DNAH7: variants seen among roughly 807,000 people sequenced by gnomAD.
DNAH7 encodes axonemal beta dynein heavy chain 7.
In DNAH7, 397 loss-of-function variants were observed where a neutral mutation model predicts 444.6. The ratio of observed to expected loss-of-function variants is 0.89; its 90% CI spans 0.82 to 0.97. DNAH7 has a LOEUF of 0.97. Among genes scored for constraint, DNAH7 ranks in the 50% least tolerant of loss-of-function variants. The pLI is 0.00. For synonymous variants in DNAH7, 1,636 were observed against 1,624.4 expected (o/e 1.01, Z -0.17); for missense variants, 4,902 against 4,800.8 (o/e 1.02, Z -0.62).
chr2:195,992,341 TGAA>T (rs889156585), intron 12 of DNAH7, among the ~76,000 whole-genome samples: 15 of 152,206 alleles, frequency 9.9e-5, no homozygotes, highest in African/African-American at 3.6e-4. Flanking sequence ...AGGTGGAAGC[TGAA>T]GAAGAAAAAG....
intron 61 of DNAH7, among the ~76,000 whole-genome samples, chr2:195,762,728 A>C (rs2105924014): frequency 6.6e-6 from 1 of 152,336 alleles, no homozygotes; most frequent in Non-Finnish European, 1.5e-5. Flanking sequence ...CAAGATATAT[A>C]AAGCAACTAT....
chr2:196,048,354 A>T lies in DNAH7; in HGVS notation c.192T>A (p.Ser64Arg), dbSNP rs765136772. The change falls in exon 4 of 65, where the codon AGT becomes AGA. Residue 64 changes from serine to arginine, a missense_variant. Ser to Arg is a moderately radical substitution (Grantham distance 110, BLOSUM62 -1). Transcript: ENST00000312428. ...CTGGACTCTCATCATCCTGCTTTAC[A>T]CTCAAATGGAATGATGGAGCTGCCT... is the stretch of plus-strand genomic sequence containing the variant. Reference protein sequence around the residue: ...WQQAAPSFHLSVKQDDESPEP... With the variant: ...WQQAAPSFHLRVKQDDESPEP... 1.9e-6 allele frequency: 3 copies of T among 1,613,980 alleles called. No homozygotes were observed. In the Admixed American group the frequency reaches 5.0e-5, roughly 27 times the overall value.
chr2:195,901,232 T>C (rs760372936), intron 27 of DNAH7: 2 of 152,122 alleles, frequency 1.3e-5, no homozygotes, highest in African/African-American at 4.8e-5. Flanking sequence ...TGTTACACGA[T>C]GTATATGTAT....
intron 46 of DNAH7, among the ~76,000 whole-genome samples, chr2:195,846,948 T>C (rs892405847): frequency 1.4e-4 from 20 of 143,056 alleles, no homozygotes; most frequent in Middle Eastern, 3.5e-3. Flanking sequence ...AACTCCCATA[T>C]ATGTGTGTGT....
In DNAH7 at chr2:195,864,536, A is replaced by G. The variant is rs754047699; in HGVS notation, c.7119T>C (p.Thr2373=). The G allele has an allele frequency of 1.2e-6, 2 of 1,614,178 alleles. No homozygotes were observed. Among genetic ancestry groups the G allele is most frequent in the Non-Finnish European group, 1.7e-6 (2 of 1,180,026 alleles). ...CTTTTAAATCTTCATGCCATTCAGTAGTATCATACCCCTTAGAGATTTCAA... is the reference window on the plus strand; with the variant it reads ...CTTTTAAATCTTCATGCCATTCAGTGGTATCATACCCCTTAGAGATTTCAA... The part of the protein sequence containing the change: ...FQVEISKGYD[T]TEWHEDLKVI... Residue 2373 remains threonine, a synonymous_variant, in exon 41 of 65, where the codon ACT becomes ACC. Transcript: ENST00000312428.
At chr2:195,856,648 G>T (rs376475351) in intron 44 of DNAH7, among the ~76,000 whole-genome samples, 3 of 152,000 alleles carry the variant, frequency 2.0e-5, no homozygotes, top group Non-Finnish European at 4.4e-5. Flanking sequence ...CCTGTTTTGC[G>T]TATGATATAA....
At chr2:195,779,209 T>C (rs543183545) in intron 58 of DNAH7, among the ~76,000 whole-genome samples, 1 of 152,340 alleles carries the variant, frequency 6.6e-6, no homozygotes, top group Non-Finnish European at 1.5e-5. Context: ...AAACATTCTT[T>C]GAAAATACTA....
At position 195,803,187 on chromosome 2, in the gene DNAH7, C is replaced by T. The variant is rs149075427; in HGVS notation, c.10176+3553G>A. ...TTTTTCCGTAATCTCTTTCTTCCCA[C>T]GGCTAACTTCATGAAATTATAGTTT... is the stretch of plus-strand genomic sequence containing the variant. On this transcript the variant is annotated intron_variant, in intron 54 of 64. Coordinates refer to ENST00000312428, the MANE Select transcript of DNAH7 (RefSeq NM_018897.3). Among the ~76,000 whole-genome samples, 15 of 152,304 alleles carry T rather than the reference C, an allele frequency of 9.8e-5. No individual in the cohort carries two copies. The East Asian group carries it at 1.4e-3, about 14-fold the overall frequency.
chr2:196,024,439 G>A lies in DNAH7; in HGVS notation c.733C>T (p.His245Tyr). ...DDKKTDELPAHRAEMEILPKP... is the reference protein window; with the variant it reads ...DDKKTDELPAYRAEMEILPKP... The stretch of plus-strand genomic sequence containing the variant: ...AATCTGATCACTTACTCAGCACGAT[G>A]GGCTGGAAGTTCATCTGTCTTCTTA... Residue 245 changes from histidine (H) to tyrosine (Y), a missense_variant, in exon 8 of 65, where the codon CAT (histidine) becomes TAT (tyrosine). By Grantham distance (83) the His-to-Tyr change is moderately conservative. Transcript: ENST00000312428. The A allele has an allele frequency of 1.3e-6, 2 of 1,582,162 alleles. No individual in the cohort carries two copies. Among genetic ancestry groups the A allele is most frequent in the Non-Finnish European group, 1.7e-6 (2 of 1,166,682 alleles).
intron 41 of DNAH7, among the ~76,000 whole-genome samples, chr2:195,862,559 T>C (rs1700083295): frequency 1.3e-5 from 2 of 152,156 alleles, no homozygotes; most frequent in South Asian, 4.1e-4. Context: ...CTCTAACTGA[T>C]TTGACCCTTC....
intron 63 of DNAH7, among the ~76,000 whole-genome samples, chr2:195,748,752 A>T (rs1430983602): frequency 6.6e-6 from 1 of 152,222 alleles, no homozygotes; most frequent in Non-Finnish European, 1.5e-5. Context: ...TCCCTATTTA[A>T]TAAATGGTGC....
Position 195,794,541 on chromosome 2 carries a change from G to T in DNAH7, c.10516-3C>A. The stretch of plus-strand genomic sequence containing the variant: ...TGTGTTGACTCTGGGCTTAACTCCT[G>T]TAAGAAAATAAATCAGATACAAAAG... On this transcript the variant is annotated splice_region_variant and splice_polypyrimidine_tract_variant and intron_variant, in intron 56 of 64. Coordinates refer to ENST00000312428, the MANE Select transcript of DNAH7 (RefSeq NM_018897.3). The T allele has an allele frequency of 6.2e-7, 1 of 1,613,584 alleles. No homozygotes were observed. The highest frequency in any genetic ancestry group is 1.3e-5 in the African/African-American group (1 of 75,004).
At chr2:195,954,276 TG>T in intron 19 of DNAH7, among the ~76,000 whole-genome samples, 1 of 152,302 alleles carries the variant, frequency 6.6e-6, no homozygotes, top group East Asian at 1.9e-4. Flanking sequence ...GAACATGTGG[TG>T]TTTGGTTTCC....
chr2:195,757,384 C>T (rs528317620), intron 61 of DNAH7, among the ~76,000 whole-genome samples: 12 of 152,242 alleles, frequency 7.9e-5, no homozygotes, highest in Admixed American at 3.3e-4. Context: ...GACTGATGCA[C>T]GGATGTTAAA....
chr2:195,792,037 T>G (rs1050123498), intron 57 of DNAH7, among the ~76,000 whole-genome samples: 1 of 151,628 alleles, frequency 6.6e-6, no homozygotes. Flanking sequence ...TGTGGTGGTG[T>G]GCACGTGTAG....
Position 195,796,745 on chromosome 2 carries a change from CAAG to C in DNAH7, c.10354-11_10354-9del, listed in dbSNP as rs1214262678. 6.2e-7 allele frequency: 1 copy of C among 1,609,236 alleles called. No homozygotes were observed. Among genetic ancestry groups the C allele is most frequent in the South Asian group, 1.1e-5 (1 of 90,402 alleles). On this transcript the variant is annotated splice_polypyrimidine_tract_variant and intron_variant, in intron 55 of 64. Coordinates refer to ENST00000312428, the MANE Select transcript of DNAH7 (RefSeq NM_018897.3). Reference sequence around the variant, plus strand: ...TTTTGATCCCCCATATCCCTGTGTACAAGAATAGTAGAGATGTTATTTAAAATC... The same window carrying C: ...TTTTGATCCCCCATATCCCTGTGTACAATAGTAGAGATGTTATTTAAAATC...
At chr2:195,818,246 T>G (rs947167764) in intron 49 of DNAH7, among the ~76,000 whole-genome samples, 1 of 152,254 alleles carries the variant, frequency 6.6e-6, no homozygotes, top group African/African-American at 2.4e-5. Flanking sequence ...TTTTAAGGAT[T>G]CTAGTGGTGT....
chr2:195,970,060 C>G lies in DNAH7; in HGVS notation c.2093G>C (p.Ser698Thr). 6.2e-7 allele frequency: 1 copy of G among 1,612,354 alleles called. No homozygotes were observed. Among genetic ancestry groups the G allele is most frequent in the Non-Finnish European group, 8.5e-7 (1 of 1,179,430 alleles). ...AAATTCTTCTGATTGCTTAGCATAA[C>G]TCTCCAATTCCTCCACAAACCGTTC... The part of the protein sequence containing the change: ...RCERFVEELE[S>T]YAKQSEEFYS... The change falls in exon 17 of 65, where the codon AGT becomes ACT. Residue 698 changes from serine (S) to threonine (T), a missense_variant. Physicochemically the swap from Ser to Thr is moderately conservative, Grantham distance 58. Coordinates refer to ENST00000312428, the MANE Select transcript of DNAH7 (RefSeq NM_018897.3).
Position 195,988,148 on chromosome 2 carries a change from C to A in DNAH7, c.1435G>T (p.Val479Phe). Residue 479 changes from valine to phenylalanine, a missense_variant, in exon 13 of 65, where the codon GTT (valine) becomes TTT (phenylalanine). Coordinates refer to ENST00000312428, the MANE Select transcript of DNAH7 (RefSeq NM_018897.3). Reference sequence around the variant, plus strand: ...GGTGCCACACTCTCTTTCATAATAACTTCCTTGATCTTTTCTTTGTGAGCA... The same window carrying A: ...GGTGCCACACTCTCTTTCATAATAAATTCCTTGATCTTTTCTTTGTGAGCA... ...VDAHKEKIKE[V>F]IMKESVAPTE... 6 of 1,613,588 alleles carry A rather than the reference C, an allele frequency of 3.7e-6. No individual in the cohort carries two copies. The highest frequency in any genetic ancestry group is 5.1e-6 in the Non-Finnish European group (6 of 1,179,714).
Sources: allele counts gnomAD v4.1 joint callset (sites outside exome capture counted in the v4.1 genomes callset), GRCh38; gene constraint gnomAD v4.1.1; transcripts MANE v1.5; gene names NCBI Gene and HGNC (gene_info 2026-07-23, HGNC 2026-07-21).